Variants in MYB observed in about 807,000 individuals in gnomAD.
MYB encodes the protein transcriptional activator Myb.
In MYB, 28 loss-of-function variants were observed where a neutral mutation model predicts 92.9. That is an observed-to-expected ratio of 0.30 (90% CI 0.22 to 0.41). The LOEUF is 0.41. Ranked by LOEUF, MYB falls within the 10% of genes least tolerant of loss-of-function variation. The probability of loss-of-function intolerance (pLI) is 1.00; values close to 1 mark genes in which losing one functional copy is unlikely to be tolerated. For synonymous variants in MYB, 295 were observed against 329.1 expected (o/e 0.90, Z 1.12); for missense variants, 679 against 929.3 (o/e 0.73, Z 3.50).
chr6:135,189,770 G>A, intron 3 of MYB, 21 bp from the exon 4 acceptor site: 8 of 1,601,398 alleles, frequency 5.0e-6, no homozygotes, highest in Non-Finnish European at 6.8e-6. Context: ...CTTTATGGTG[G>A]TGCATACTTT....
intron 2 of MYB, 92 bp downstream of exon 2, chr6:135,186,112 C>T: frequency 2.0e-6 from 2 of 998,634 alleles, no homozygotes; most frequent in South Asian, 1.4e-5. Context: ...TGCTCAAGCT[C>T]ATTAGCAGGC....
At chr6:135,217,363 C>G (rs1423994485) in intron 15 of MYB, among the ~76,000 whole-genome samples, 2 of 133,408 alleles carry the variant, frequency 1.5e-5, no homozygotes, top group Non-Finnish European at 3.4e-5. Context: ...GAGCATGACT[C>G]TGTCTCAAAA....
chr6:135,189,956 A>G (rs1030819370), intron 4 of MYB, 73 bp downstream of exon 4: 1 of 1,506,256 alleles, frequency 6.6e-7, no homozygotes, highest in Non-Finnish European at 9.2e-7. Context: ...TTCCTATTTG[A>G]GGAAGCAGGT....
chr6:135,186,756 A>G (rs1384989141), intron 2 of MYB, among the ~76,000 whole-genome samples: 1 of 152,252 alleles, frequency 6.6e-6, no homozygotes, highest in African/African-American at 2.4e-5. Flanking sequence ...TGGCTTATCA[A>G]AAGTTTGATT....
intron 15 of MYB, among the ~76,000 whole-genome samples, chr6:135,210,462 T>A (rs2128316725): frequency 6.6e-6 from 1 of 152,364 alleles, no homozygotes; most frequent in East Asian, 1.9e-4. Context: ...TCAAAGAATT[T>A]AAAAATGTTG....
intron 5 of MYB, among the ~76,000 whole-genome samples, chr6:135,191,048 CT>C (rs1776560776): frequency 6.6e-6 from 1 of 152,218 alleles, no homozygotes; most frequent in African/African-American, 2.4e-5. Flanking sequence ...ATCCTTTCAC[CT>C]CCCAAAGTGC....
At chr6:135,183,317 CT>C (rs879890108) in intron 1 of MYB, among the ~76,000 whole-genome samples, 7 of 152,194 alleles carry the variant, frequency 4.6e-5, no homozygotes, top group Non-Finnish European at 8.8e-5. Context: ...GTTTGAACCC[CT>C]CCGAATCACA....
Position 135,203,615 on chromosome 6 carries a change from G to A in MYB, c.2169+291G>A, listed in dbSNP as rs141509361. On this transcript the variant is annotated intron_variant, in intron 15 of 15. Transcript: ENST00000341911. ...TGACTGAGACTAAGATGTATTACAC[G>A]TGTGTCACTATCTTCTTCTGCCCTC... The A allele has an allele frequency of 6.1e-5, 55 of 899,002 alleles. No homozygotes were observed. The Admixed American group carries it at 1.2e-3, about 20-fold the overall frequency. 55.7% of individuals were successfully genotyped at this position (899,002 alleles called of 1,614,324 possible). A position where few individuals can be genotyped will look rare whatever the true frequency, so the allele number is the denominator to read the frequency against.
chr6:135,200,446 C>T, intron 13 of MYB, 31 bp downstream of exon 13: 1 of 1,613,198 alleles, frequency 6.2e-7, no homozygotes, highest in Non-Finnish European at 8.5e-7. Flanking sequence ...AAGCAACAAG[C>T]TGAGAATCCT....
chr6:135,214,244 C>G (rs894845472), intron 15 of MYB, among the ~76,000 whole-genome samples: 13 of 151,910 alleles, frequency 8.6e-5, no homozygotes, highest in African/African-American at 3.1e-4. Context: ...CCCTGCACTC[C>G]AGCCTGGGCA....
intron 15 of MYB, among the ~76,000 whole-genome samples, chr6:135,207,970 A>G (rs1014772351): frequency 1.3e-5 from 2 of 151,394 alleles, no homozygotes; most frequent in African/African-American, 2.4e-5. Context: ...CAAGTGATCC[A>G]CCTGCCTCGG....
rs1775278637 is a variant in MYB, at chr6:135,182,818, C to G, written c.23+1282C>G. On this transcript the variant is annotated intron_variant, in intron 1 of 15. Coordinates refer to ENST00000341911, the MANE Select transcript of MYB (RefSeq NM_001130173.2). This position sits in a 1 kb window ranked among gnomAD's most constrained non-coding sequence, Gnocchi z 5.6. ...GTGGGTGGAGACCCTGCAGCAGCAC[C>G]CGCGGGCTGGGCTGGGCGGGGAGCA... Among the ~76,000 whole-genome samples the G allele has an allele frequency of 1.3e-5, 2 of 152,094 alleles. No individual in the cohort carries two copies. Among genetic ancestry groups the G allele is most frequent in the South Asian group, 4.1e-4 (2 of 4,820 alleles).
intron 14 of MYB, 25 bp from the exon 15 acceptor site, chr6:135,203,192 T>C: frequency 6.6e-7 from 1 of 1,519,310 alleles, no homozygotes; most frequent in African/African-American, 1.4e-5. Flanking sequence ...CTCATTTAAA[T>C]TTCAAATTAT....
intron 15 of MYB, among the ~76,000 whole-genome samples, chr6:135,212,402 C>T (rs1779870819): frequency 6.6e-6 from 1 of 151,892 alleles, no homozygotes; most frequent in Non-Finnish European, 1.5e-5. Context: ...AAAAACTATT[C>T]ATGTTCTAAA....
intron 10 of MYB, 124 bp from the exon 11 acceptor site, chr6:135,198,784 C>T: frequency 1.4e-6 from 1 of 721,622 alleles, no homozygotes; most frequent in Non-Finnish European, 2.2e-6. Flanking sequence ...TGCTTGTTAG[C>T]ATCTTTATTA....
At chr6:135,191,828 G>C (rs1776665484) in intron 5 of MYB, among the ~76,000 whole-genome samples, 1 of 152,046 alleles carries the variant, frequency 6.6e-6, no homozygotes. Flanking sequence ...GAGGTTTTTT[G>C]GTCTCAGAAG....
At chr6:135,193,655 G>A (rs546505817) in intron 6 of MYB, among the ~76,000 whole-genome samples, 183 bp from the exon 7 acceptor site, 1 of 151,986 alleles carries the variant, frequency 6.6e-6, no homozygotes, top group African/African-American at 2.4e-5. Context: ...TCCTTTAGCT[G>A]TTTAGCCATT....
intron 11 of MYB, 27 bp downstream of exon 11, chr6:135,199,077 G>T: frequency 6.6e-7 from 1 of 1,526,586 alleles, no homozygotes; most frequent in South Asian, 1.2e-5. Flanking sequence ...GGAATAAAAT[G>T]ATTTATCTTA....
rs1271260010 is a variant in MYB at position 135,217,866 on chromosome 6, T to C, written c.2172T>C (p.Pro724=). 6.2e-7 allele frequency: 1 copy of C among 1,603,770 alleles called. No homozygotes were observed. The highest frequency in any genetic ancestry group is 1.1e-5 in the South Asian group (1 of 90,866). The change falls in exon 16 of 16, where the codon CCT becomes CCC. Residue 724 remains proline, a splice_region_variant and synonymous_variant. Coordinates refer to ENST00000341911, the MANE Select transcript of MYB (RefSeq NM_001130173.2). The stretch of plus-strand genomic sequence containing the variant: ...GTTGCCATCCCTTTCTCCATCAGCC[T>C]TGTAGCAGTACCTGGGAACCTGCAT... The part of the protein sequence containing the change: ...KNRSLASPLQ[P]CSSTWEPASC...
Sources: allele counts gnomAD v4.1 joint callset (sites outside exome capture counted in the v4.1 genomes callset), GRCh38; gene constraint gnomAD v4.1.1; non-coding constraint Gnocchi (gnomAD v3.1); transcripts MANE v1.5; gene names NCBI Gene and HGNC (gene_info 2026-07-23, HGNC 2026-07-21).